The following GRM4 variants were observed in gnomAD, a reference collection of about 807,000 sequenced individuals.
GRM4 encodes the protein metabotropic glutamate receptor 4.
GRM4 carries 28 observed loss-of-function variants against 81.7 expected under a neutral mutation model. That is an observed-to-expected ratio of 0.34 (90% CI 0.25 to 0.47). The LOEUF (loss-of-function observed/expected upper bound fraction) is 0.47, where lower values mean the gene tolerates loss of function less well. GRM4 is among the 20% of genes least tolerant of loss of function. The pLI is 1.00. For synonymous variants in GRM4, 488 were observed against 528.8 expected, an observed-to-expected ratio of 0.92 and a Z score of 1.06; for missense variants, 948 against 1,290.0, an observed-to-expected ratio of 0.73 and a Z score of 4.06.
intron 1 of GRM4, 110 bp downstream of exon 1, chr6:34,145,890 C>T (rs924802709): frequency 1.6e-6 from 1 of 633,586 alleles, no homozygotes; most frequent in Non-Finnish European, 2.0e-6. Flanking sequence ...CGCTCCGCCA[C>T]CCCTCCACAC....
chr6:34,127,902 G>A (rs768474313), intron 2 of GRM4, among the ~76,000 whole-genome samples: 3 of 152,196 alleles, frequency 2.0e-5, no homozygotes, highest in Non-Finnish European at 2.9e-5. Context: ...AGAACATCTT[G>A]TGGGATCTAA....
chr6:34,137,361 A>T (rs1278062319), intron 1 of GRM4, among the ~76,000 whole-genome samples: 1 of 152,246 alleles, frequency 6.6e-6, no homozygotes, highest in African/African-American at 2.4e-5. Flanking sequence ...TCCACATAGC[A>T]ACAGCTCTCA....
intron 3 of GRM4, among the ~76,000 whole-genome samples, chr6:34,086,257 G>A (rs1433411711): frequency 3.9e-5 from 6 of 152,230 alleles, no homozygotes; most frequent in Non-Finnish European, 7.3e-5. Context: ...GCCTCCTGCT[G>A]CCCAAGCACT....
chr6:34,118,715 C>A (rs902759808), intron 2 of GRM4, among the ~76,000 whole-genome samples: 2 of 152,204 alleles, frequency 1.3e-5, no homozygotes, highest in Non-Finnish European at 2.9e-5. Context: ...ATCTGAGAGT[C>A]CTGAAAACTG....
rs1766730687 is a variant in GRM4 at position 34,070,055 on chromosome 6, G to C, written c.737-8027C>G. 6.6e-6 allele frequency among the ~76,000 whole-genome samples: 1 copy of C among 152,188 alleles called. No individual in the cohort carries two copies. On this transcript the variant is annotated intron_variant, in intron 3 of 10. Coordinates refer to ENST00000538487, the MANE Select transcript of GRM4 (RefSeq NM_000841.4). The surrounding 1 kb of genome is among the most constrained non-coding windows in gnomAD (Gnocchi z 4.6). ...TTCCTGACTGACGGGGTTTTGAAGG[G>C]ACAGCTCGGCAGGAGCTGCCAGCAT... is the stretch of plus-strand genomic sequence containing the variant.
intron 2 of GRM4, among the ~76,000 whole-genome samples, chr6:34,116,135 C>T (rs1042827025): frequency 4.6e-5 from 7 of 152,220 alleles, no homozygotes; most frequent in African/African-American, 1.7e-4. Flanking sequence ...AATATGAGGC[C>T]GAGTGAAATC....
Position 34,115,807 on chromosome 6 carries a change from C to T in GRM4, c.519+17171G>A, listed in dbSNP as rs1174730396. Among the ~76,000 whole-genome samples the T allele has an allele frequency of 6.6e-6, 1 of 152,176 alleles. No homozygotes were observed. Among genetic ancestry groups the T allele is most frequent in the East Asian group, 1.9e-4 (1 of 5,196 alleles). On this transcript the variant is annotated intron_variant, in intron 2 of 10. Transcript: ENST00000538487. The surrounding 1 kb of genome is among the most constrained non-coding windows in gnomAD (Gnocchi z 4.1). ...AGGAGAAACTGCGGACACATCACAC[C>T]TCCCTGGGCTCCATTTGTTATCACT...
intron 1 of GRM4, 104 bp downstream of exon 1, chr6:34,145,896 C>A (rs934792811): frequency 1.4e-6 from 1 of 711,542 alleles, no homozygotes; most frequent in Non-Finnish European, 1.7e-6. Context: ...GCCACCCCTC[C>A]ACACCCGCCC....
At position 34,034,311 on chromosome 6, in the gene GRM4, C is replaced by G. The variant is rs1384930819; in HGVS notation, c.2442+1357G>C. ...TCAAAGCATGGTGTCCTCCTTGACT[C>G]GACTGTCTCCTCGTCTCCCACCCAA... On this transcript the variant is annotated intron_variant, in intron 9 of 10. Transcript: ENST00000538487. This position sits in a 1 kb window ranked among gnomAD's most constrained non-coding sequence, Gnocchi z 4.0. Among the ~76,000 whole-genome samples, 1 of 152,156 alleles carries G rather than the reference C, an allele frequency of 6.6e-6. No homozygotes were observed. Among genetic ancestry groups the G allele is most frequent in the Non-Finnish European group, 1.5e-5 (1 of 68,034 alleles).
Position 34,040,468 on chromosome 6 carries a change from C to T in GRM4, c.1369+80G>A. The T allele has an allele frequency of 2.8e-6, 4 of 1,451,904 alleles. No homozygotes were observed. The African/African-American group carries it at 4.2e-5, about 15-fold the overall frequency. The allele number at this position is 1,451,904 out of a possible 1,614,324, so 89.9% of individuals were successfully genotyped here. A position where few individuals can be genotyped will look rare whatever the true frequency, so the allele number is the denominator to read the frequency against. On this transcript the variant is annotated intron_variant, in intron 7 of 10. Transcript: ENST00000538487. ...ATCAGGAGAGGCCTCCCATTCCCAC[C>T]CCACAGAGCCTAAGGGCCCCTCCCC...
chr6:34,092,243 C>A lies in GRM4; in HGVS notation c.520-144G>T, dbSNP rs1054351624. ...CACCCCTCCCCATGGGCGATGCCTC[C>A]TCCTCCAGAAAGTCTCCCAACCGGC... On this transcript the variant is annotated intron_variant, in intron 2 of 10. Transcript: ENST00000538487. The surrounding 1 kb of genome is among the most constrained non-coding windows in gnomAD (Gnocchi z 6.8). 2 of 614,060 alleles carry A rather than the reference C, an allele frequency of 3.3e-6. No homozygotes were observed. Among genetic ancestry groups the A allele is most frequent in the Non-Finnish European group, 5.7e-6 (2 of 348,612 alleles). 38.0% of individuals were successfully genotyped at this position (614,060 alleles called of 1,614,324 possible).
chr6:34,132,753 G>C (rs934225699), intron 2 of GRM4, among the ~76,000 whole-genome samples: 2 of 152,318 alleles, frequency 1.3e-5, no homozygotes, highest in Admixed American at 1.3e-4. Context: ...GCTGGGTCCC[G>C]ATGCCTTTCA....
exon 1 of GRM4, chr6:34,155,109 G>T (rs1369925174): frequency 2.6e-6 from 4 of 1,528,108 alleles, no homozygotes; most frequent in Non-Finnish European, 1.8e-6. Context: ...GGCAGCGGGG[G>T]CGGCGGGGGT....
chr6:34,041,392 C>CA (rs1215106799), intron 6 of GRM4, among the ~76,000 whole-genome samples: 1 of 152,202 alleles, frequency 6.6e-6, no homozygotes, highest in African/African-American at 2.4e-5. Flanking sequence ...TCTTGTCCCC[C>CA]AGTGGCAAGG....
At position 34,090,298 on chromosome 6, in the gene GRM4, G is replaced by A. The variant is rs1388703770; in HGVS notation, c.736+1585C>T. Among the ~76,000 whole-genome samples the A allele has an allele frequency of 5.9e-5, 9 of 152,200 alleles. No homozygotes were observed. The highest frequency in any genetic ancestry group is 1.3e-4 in the Non-Finnish European group (9 of 68,032). On this transcript the variant is annotated intron_variant, in intron 3 of 10. Transcript: ENST00000538487. This position sits in a 1 kb window ranked among gnomAD's most constrained non-coding sequence, Gnocchi z 5.2. ...TGCCCCTAAATCCTGCAGAGGTCAT[G>A]CATTAAACAGAAAAGGTAGGAGGTT... is the stretch of plus-strand genomic sequence containing the variant.
In GRM4 at chr6:34,069,791, C is replaced by T. The variant is rs990382497; in HGVS notation, c.737-7763G>A. Among the ~76,000 whole-genome samples the T allele has an allele frequency of 9.2e-5, 14 of 152,144 alleles. No homozygotes were observed. The highest frequency in any genetic ancestry group is 3.1e-4 in the African/African-American group (13 of 41,422). On this transcript the variant is annotated intron_variant, in intron 3 of 10. Coordinates refer to ENST00000538487, the MANE Select transcript of GRM4 (RefSeq NM_000841.4). This position sits in a 1 kb window ranked among gnomAD's most constrained non-coding sequence, Gnocchi z 6.4. The stretch of plus-strand genomic sequence containing the variant: ...GACTGCCCCAGTCCCCACCAGGATC[C>T]ACCCATCTGGCCACGTCTGTGCCCC...
intron 6 of GRM4, chr6:34,055,630 C>T (rs1443003537): frequency 6.6e-6 from 1 of 152,282 alleles, no homozygotes; most frequent in Non-Finnish European, 1.5e-5. Flanking sequence ...GTTATTGAGT[C>T]TGGGTCCTGC....
intron 2 of GRM4, among the ~76,000 whole-genome samples, chr6:34,097,137 C>G (rs1033556688): frequency 6.6e-5 from 10 of 152,194 alleles, no homozygotes; most frequent in Non-Finnish European, 1.0e-4. Context: ...GCAGGTCATG[C>G]AGAGGTGCAT....
At chr6:34,024,865 C>T (rs920552296) in intron 10 of GRM4, among the ~76,000 whole-genome samples, 4 of 152,184 alleles carry the variant, frequency 2.6e-5, no homozygotes, top group Non-Finnish European at 5.9e-5. Context: ...CAGCATGGCA[C>T]CTTACAGCTC....
Sources: gnomAD v4.1 joint callset for allele counts (sites outside exome capture counted in the v4.1 genomes callset) on GRCh38, gnomAD v4.1.1 for gene constraint, Gnocchi (gnomAD v3.1) non-coding constraint, MANE v1.5 for transcripts, NCBI Gene and HGNC (gene_info 2026-07-23, HGNC 2026-07-21) for gene names.